The following TAFA1 variants were observed in gnomAD, a reference collection of about 807,000 sequenced individuals.
TAFA1 encodes the protein TAFA chemokine like family member 1, also known as chemokine-like protein TAFA-1.
TAFA1 carries 4 observed loss-of-function variants against 18.5 expected under a neutral mutation model. The observed-to-expected ratio is 0.22, with a 90% CI of 0.11 to 0.49. TAFA1 has a LOEUF of 0.49. TAFA1 is among the 20% of genes least tolerant of loss of function. TAFA1 has a pLI of 0.98. For missense variants in TAFA1, 147 were observed against 169.0 expected, an observed-to-expected ratio of 0.87 and a Z score of 0.72; for synonymous variants, 56 against 55.2, an observed-to-expected ratio of 1.01 and a Z score of -0.06.
intron 2 of TAFA1, among the ~76,000 whole-genome samples, chr3:68,212,221 G>C (rs1028718415): frequency 2.4e-4 from 36 of 150,680 alleles, no homozygotes; most frequent in Admixed American, 2.4e-3. Context: ...AGACTGGTCT[G>C]TTCAAGACCC....
intron 2 of TAFA1, among the ~76,000 whole-genome samples, chr3:68,310,295 AGGTCTCG>A (rs1474484925): frequency 6.6e-6 from 1 of 152,176 alleles, no homozygotes; most frequent in Non-Finnish European, 1.5e-5. Context: ...TTAGAAGCAA[AGGTCTCG>A]GCTTCTCAAT....
chr3:68,178,970 G>T (rs1394641536), intron 2 of TAFA1, among the ~76,000 whole-genome samples: 1 of 152,166 alleles, frequency 6.6e-6, no homozygotes, highest in Non-Finnish European at 1.5e-5. Flanking sequence ...CTATTTTGTA[G>T]CCAGTGAATT....
intron 3 of TAFA1, among the ~76,000 whole-genome samples, chr3:68,440,193 A>T (rs1185340900): frequency 1.3e-5 from 2 of 152,164 alleles, no homozygotes; most frequent in African/African-American, 2.4e-5. Context: ...TGATGGCTTT[A>T]AAAACAGAAG....
chr3:68,046,135 G>A (rs985271701), intron 2 of TAFA1, among the ~76,000 whole-genome samples: 1 of 152,090 alleles, frequency 6.6e-6, no homozygotes, highest in African/African-American at 2.4e-5. Context: ...TTTTGCAACT[G>A]CAGTGTTGGA....
chr3:68,119,255 T>C (rs891191649), intron 2 of TAFA1, among the ~76,000 whole-genome samples: 1 of 152,150 alleles, frequency 6.6e-6, no homozygotes. Flanking sequence ...TGTTGAACAG[T>C]AGGAGTATTT....
chr3:68,229,519 T>G (rs944822409), intron 2 of TAFA1, among the ~76,000 whole-genome samples: 8 of 151,894 alleles, frequency 5.3e-5, no homozygotes, highest in Non-Finnish European at 8.8e-5. Context: ...TGGAGTGGGC[T>G]TTTTTTTGGC....
chr3:68,384,859 T>C (rs1033698357), intron 2 of TAFA1, among the ~76,000 whole-genome samples: 1 of 152,110 alleles, frequency 6.6e-6, no homozygotes, highest in Non-Finnish European at 1.5e-5. Context: ...CTGCATTGAG[T>C]GTATATATAT....
At chr3:68,471,272 A>G (rs545123696) in intron 3 of TAFA1, among the ~76,000 whole-genome samples, 1 of 152,308 alleles carries the variant, frequency 6.6e-6, no homozygotes, top group South Asian at 2.1e-4. Flanking sequence ...GGCAGTGCAG[A>G]AGGGAAGTGT....
intron 2 of TAFA1, among the ~76,000 whole-genome samples, chr3:68,100,209 G>A (rs1488620613): frequency 6.6e-6 from 1 of 152,116 alleles, no homozygotes; most frequent in African/African-American, 2.4e-5. Flanking sequence ...GAAAGGTCAG[G>A]CACAGTGGTT....
At chr3:68,008,492 G>A (rs952298457) in intron 2 of TAFA1, among the ~76,000 whole-genome samples, 1 of 152,184 alleles carries the variant, frequency 6.6e-6, no homozygotes, top group Non-Finnish European at 1.5e-5. Flanking sequence ...CCTTATGCAA[G>A]TGGGTGTAAT....
chr3:68,530,114 A>G (rs1197297885), intron 3 of TAFA1, among the ~76,000 whole-genome samples: 1 of 151,984 alleles, frequency 6.6e-6, no homozygotes, highest in East Asian at 1.9e-4. Flanking sequence ...TTATTTTATC[A>G]CTCTTGGTAA....
chr3:68,500,985 C>T (rs2072647086), intron 3 of TAFA1, among the ~76,000 whole-genome samples: 1 of 151,598 alleles, frequency 6.6e-6, no homozygotes, highest in Admixed American at 6.6e-5. Context: ...AATCCTGGCT[C>T]TACTAAAAAT....
chr3:68,262,330 TATATATATATATATATATA>T (rs2067446736), intron 2 of TAFA1, among the ~76,000 whole-genome samples: 1 of 79,992 alleles, frequency 1.3e-5, no homozygotes, highest in African/African-American at 4.7e-5. Context: ...TATATATATA[TATATATATATATATATATA>T]TATATATATT....
chr3:68,251,283 G>A (rs572496715), intron 2 of TAFA1, among the ~76,000 whole-genome samples: 2 of 152,208 alleles, frequency 1.3e-5, no homozygotes, highest in East Asian at 3.9e-4. Flanking sequence ...CCAGTTCCCT[G>A]CCCACAGTGT....
At chr3:68,216,158 G>A (rs1461080766) in intron 2 of TAFA1, among the ~76,000 whole-genome samples, 1 of 152,014 alleles carries the variant, frequency 6.6e-6, no homozygotes, top group Non-Finnish European at 1.5e-5. Context: ...AAGTTCAGGA[G>A]GAGGCAAGGT....
intron 3 of TAFA1, among the ~76,000 whole-genome samples, chr3:68,504,978 A>T (rs2072722294): frequency 6.6e-6 from 1 of 152,146 alleles, no homozygotes; most frequent in Non-Finnish European, 1.5e-5. Flanking sequence ...GCAGAATGGT[A>T]AGAACAGAGT....
intron 3 of TAFA1, among the ~76,000 whole-genome samples, chr3:68,476,310 C>T (rs2072095943): frequency 1.3e-5 from 2 of 152,140 alleles, no homozygotes; most frequent in Admixed American, 1.3e-4. Flanking sequence ...TTTGAGATAG[C>T]CACAGTCTTC....
Position 68,451,116 on chromosome 3 carries a change from G to A in TAFA1, c.259+33696G>A, listed in dbSNP as rs2071560540. Among the ~76,000 whole-genome samples the A allele has an allele frequency of 2.0e-5, 3 of 152,094 alleles. No individual in the cohort carries two copies. The South Asian group carries it at 6.2e-4, about 32-fold the overall frequency. ...TCATATTGCAGTGAGTAACAAATAGGGTAGCCCAGTTTATGCCCGTTGTCC... is the reference window on the plus strand; with the variant it reads ...TCATATTGCAGTGAGTAACAAATAGAGTAGCCCAGTTTATGCCCGTTGTCC... On this transcript the variant is annotated intron_variant, in intron 3 of 4. Coordinates refer to ENST00000478136, the MANE Select transcript of TAFA1 (RefSeq NM_213609.4).
intron 2 of TAFA1, among the ~76,000 whole-genome samples, chr3:68,120,177 CTT>C (rs1491226157): frequency 2.5e-4 from 4 of 15,738 alleles, no homozygotes; most frequent in Non-Finnish European, 3.4e-4. Context: ...CTTTCTCTTT[CTT>C]TCTTTCTTTC....
Sources: allele counts gnomAD v4.1 joint callset (sites outside exome capture counted in the v4.1 genomes callset), GRCh38; gene constraint gnomAD v4.1.1; transcripts MANE v1.5; gene names NCBI Gene and HGNC (gene_info 2026-07-23, HGNC 2026-07-21).